Variants in ZFP2 observed in about 807,000 individuals in gnomAD.
ZFP2 encodes ZFP2 zinc finger protein.
ZFP2 carries 33 observed loss-of-function variants against 36.1 expected under a neutral mutation model. That is an observed-to-expected ratio of 0.92 (90% CI 0.69 to 1.22). The LOEUF (loss-of-function observed/expected upper bound fraction) is 1.22. ZFP2 is among the 50% of genes most tolerant of loss of function. The probability of loss-of-function intolerance (pLI) is 0.00; values close to 1 mark genes in which losing one functional copy is unlikely to be tolerated. For missense variants in ZFP2, 522 were observed against 551.4 expected, an observed-to-expected ratio of 0.95 and a Z score of 0.53; for synonymous variants, 170 against 178.0, an observed-to-expected ratio of 0.96 and a Z score of 0.36.
intron 1 of ZFP2, among the ~76,000 whole-genome samples, 176 bp downstream of exon 1, chr5:178,896,150 C>T (rs1757930917): frequency 2.0e-5 from 3 of 152,316 alleles, no homozygotes; most frequent in East Asian, 3.9e-4. Flanking sequence ...GGGCCTCCGG[C>T]TCCAGGTGCG....
At chr5:178,905,245 G>T (rs1030099765) in intron 1 of ZFP2, among the ~76,000 whole-genome samples, 4 of 152,094 alleles carry the variant, frequency 2.6e-5, no homozygotes, top group African/African-American at 9.7e-5. Context: ...ATTCTATTCA[G>T]ATCTTTCATT....
chr5:178,918,660 G>T (rs1487714360), intron 4 of ZFP2, among the ~76,000 whole-genome samples: 3 of 152,176 alleles, frequency 2.0e-5, no homozygotes, highest in Non-Finnish European at 4.4e-5. Flanking sequence ...GCCGTTAAGG[G>T]AGTATTGAGT....
intron 4 of ZFP2, chr5:178,922,223 G>C (rs1020675846): frequency 9.3e-7 from 1 of 1,078,432 alleles, no homozygotes; most frequent in Admixed American, 1.7e-5. Flanking sequence ...TGTAACTGCT[G>C]TCAGTCTAGT....
intron 1 of ZFP2, among the ~76,000 whole-genome samples, chr5:178,905,681 G>A (rs1428184236): frequency 3.3e-5 from 5 of 152,066 alleles, no homozygotes; most frequent in African/African-American, 9.6e-5. Context: ...AGGAGGAAAG[G>A]AATAAAACAT....
chr5:178,920,343 T>G (rs1387465946), intron 4 of ZFP2, among the ~76,000 whole-genome samples: 1 of 152,136 alleles, frequency 6.6e-6, no homozygotes, highest in Non-Finnish European at 1.5e-5. Flanking sequence ...GTTTATATAT[T>G]AAAAATACTG....
intron 1 of ZFP2, among the ~76,000 whole-genome samples, chr5:178,898,615 G>T (rs1159306839): frequency 1.3e-5 from 2 of 152,228 alleles, no homozygotes; most frequent in Non-Finnish European, 2.9e-5. Flanking sequence ...CCCCAAGGAA[G>T]AACCCCACAG....
intron 4 of ZFP2, among the ~76,000 whole-genome samples, chr5:178,916,957 AC>A (rs757786420): frequency 6.6e-6 from 1 of 152,176 alleles, no homozygotes; most frequent in Non-Finnish European, 1.5e-5. Context: ...AAAGCTTTGT[AC>A]AGTTGAAAGC....
rs563409063 is a variant in ZFP2 at position 178,926,757 on chromosome 5, A to T, written c.-77-4480A>T. Among the ~76,000 whole-genome samples the T allele has an allele frequency of 2.0e-5, 3 of 152,048 alleles. No homozygotes were observed. In the East Asian group the frequency reaches 5.8e-4, roughly 30 times the overall value. On this transcript the variant is annotated intron_variant, in intron 4 of 4. Coordinates refer to ENST00000361362, the MANE Select transcript of ZFP2 (RefSeq NM_030613.4). ...ATGGTCTAGATCTCCTGACCTGGTGATCCGTCCACCTCGGCCTCCCAGAGT... is the reference window on the plus strand; with the variant it reads ...ATGGTCTAGATCTCCTGACCTGGTGTTCCGTCCACCTCGGCCTCCCAGAGT...
Position 178,922,191 on chromosome 5 carries a change from G to C in ZFP2, c.-78+5481G>C, listed in dbSNP as rs144940374. 12 of 1,109,658 alleles carry C rather than the reference G, an allele frequency of 1.1e-5. 1 individual carries two copies. In the South Asian group the frequency reaches 1.2e-4, roughly 11 times the overall value. 68.7% of individuals were successfully genotyped at this position (1,109,658 alleles called of 1,614,324 possible). On this transcript the variant is annotated intron_variant, in intron 4 of 4. Transcript: ENST00000361362. Reference sequence around the variant, plus strand: ...TCAATATTGGAAACACACTTGACATGGTTGTGCGTCTGTTCTGGTTTTGTA... The same window carrying C: ...TCAATATTGGAAACACACTTGACATCGTTGTGCGTCTGTTCTGGTTTTGTA...
rs140482805 is a variant in ZFP2, at chr5:178,932,542, A to G, written c.1229A>G (p.Tyr410Cys). 2.5e-6 allele frequency: 4 copies of G among 1,614,030 alleles called. No homozygotes were observed. The highest frequency in any genetic ancestry group is 2.7e-5 in the African/African-American group (2 of 74,932). ...AGAATTCATACTGGTGAGAAACCCTATGAATGTGATCAGTGTGGAAAAGCC... is the reference window on the plus strand; with the variant it reads ...AGAATTCATACTGGTGAGAAACCCTGTGAATGTGATCAGTGTGGAAAAGCC... ...HQRIHTGEKPYECDQCGKAFI... is the reference protein window; with the variant it reads ...HQRIHTGEKPCECDQCGKAFI... The change falls in exon 5 of 5, where the codon TAT becomes TGT. Residue 410 changes from tyrosine to cysteine, a missense_variant. Physicochemically the swap from Tyr to Cys is radical, Grantham distance 194. Transcript: ENST00000361362.
intron 4 of ZFP2, among the ~76,000 whole-genome samples, chr5:178,927,518 C>T (rs559828648): frequency 2.7e-5 from 4 of 146,556 alleles, no homozygotes; most frequent in African/African-American, 7.6e-5. Context: ...TTTTTTGAGA[C>T]GGAGTTTCGC....
chr5:178,916,444 G>A, intron 3 of ZFP2, 121 bp from the exon 4 acceptor site: 1 of 484,112 alleles, frequency 2.1e-6, no homozygotes, highest in Non-Finnish European at 2.7e-6. Flanking sequence ...AGACTTGAGT[G>A]TATCTGAAAG....
chr5:178,910,976 G>A (rs938518471), intron 1 of ZFP2, among the ~76,000 whole-genome samples: 4 of 152,066 alleles, frequency 2.6e-5, no homozygotes, highest in Non-Finnish European at 5.9e-5. Context: ...CTATATGTGT[G>A]TTAAGTATTT....
In ZFP2 at chr5:178,932,384, G is replaced by A; in HGVS notation, c.1071G>A (p.Met357Ile). The A allele has an allele frequency of 6.2e-7, 1 of 1,613,964 alleles. No homozygotes were observed. Among genetic ancestry groups the A allele is most frequent in the Non-Finnish European group, 8.5e-7 (1 of 1,180,006 alleles). Reference protein sequence around the residue: ...IHTGEKPYECMVCGKHFTGRS... With the variant: ...IHTGEKPYECIVCGKHFTGRS... Reference sequence around the variant, plus strand: ...CTGGAGAGAAACCTTATGAGTGTATGGTGTGTGGAAAACATTTCACTGGAC... The same window carrying A: ...CTGGAGAGAAACCTTATGAGTGTATAGTGTGTGGAAAACATTTCACTGGAC... The change falls in exon 5 of 5, where the codon ATG (methionine) becomes ATA (isoleucine). Residue 357 changes from methionine to isoleucine, a missense_variant. Transcript: ENST00000361362.
chr5:178,926,218 T>C (rs1336233734), intron 4 of ZFP2, among the ~76,000 whole-genome samples: 2 of 151,738 alleles, frequency 1.3e-5, no homozygotes, highest in African/African-American at 4.8e-5. Context: ...TTCTTTCTTC[T>C]TTTGGTCTTT....
At position 178,932,530 on chromosome 5, in the gene ZFP2, G is replaced by A. The variant is rs1404698594; in HGVS notation, c.1217G>A (p.Gly406Asp). The change falls in exon 5 of 5, where the codon GGT (glycine) becomes GAT (aspartate). Residue 406 changes from glycine to aspartate, a missense_variant. Transcript: ENST00000361362. Reference protein sequence around the residue: ...YLIEHQRIHTGEKPYECDQCG... With the variant: ...YLIEHQRIHTDEKPYECDQCG... Reference sequence around the variant, plus strand: ...ATTGAACATCAAAGAATTCATACTGGTGAGAAACCCTATGAATGTGATCAG... The same window carrying A: ...ATTGAACATCAAAGAATTCATACTGATGAGAAACCCTATGAATGTGATCAG... 1 of 1,614,002 alleles carries A rather than the reference G, an allele frequency of 6.2e-7. No individual in the cohort carries two copies.
At chr5:178,914,774 G>C (rs897142783) in intron 3 of ZFP2, among the ~76,000 whole-genome samples, 5 of 152,170 alleles carry the variant, frequency 3.3e-5, no homozygotes. Context: ...GTTAACAGGA[G>C]TGTGATTTTA....
At chr5:178,921,468 C>T (rs908785896) in intron 4 of ZFP2, among the ~76,000 whole-genome samples, 1 of 149,642 alleles carries the variant, frequency 6.7e-6, no homozygotes. Context: ...GGAAGAAGGA[C>T]CCTCTCCTCA....
Position 178,916,640 on chromosome 5 carries a change from G to T in ZFP2, c.-148G>T. On this transcript the variant is annotated 5_prime_UTR_variant, in exon 4 of 5. Transcript: ENST00000361362. ...ATCCTGTCCCAGTCAAGGGGAGAAAGTATTGACTGAGTGCTGTGCTCAGCT... is the reference window on the plus strand; with the variant it reads ...ATCCTGTCCCAGTCAAGGGGAGAAATTATTGACTGAGTGCTGTGCTCAGCT... 1.0e-6 allele frequency: 1 copy of T among 964,398 alleles called. No homozygotes were observed. Among genetic ancestry groups the T allele is most frequent in the Non-Finnish European group, 1.2e-6 (1 of 812,322 alleles). 59.7% of individuals were successfully genotyped at this position (964,398 alleles called of 1,614,324 possible). A position where few individuals can be genotyped will look rare whatever the true frequency, so the allele number is the denominator to read the frequency against.
Sources: allele counts gnomAD v4.1 joint callset (sites outside exome capture counted in the v4.1 genomes callset), GRCh38; gene constraint gnomAD v4.1.1; transcripts MANE v1.5; gene names NCBI Gene and HGNC (gene_info 2026-07-23, HGNC 2026-07-21).